The following MEGF11 variants were observed in gnomAD, a reference collection of about 807,000 sequenced individuals.
MEGF11 encodes the protein multiple EGF like domains 11, also known as multiple epidermal growth factor-like domains protein 11.
In MEGF11, 126 loss-of-function variants were observed where a neutral mutation model predicts 146.6. The observed-to-expected ratio is 0.86, with a 90% CI of 0.74 to 1.00. MEGF11 has a LOEUF of 1.00. Among genes scored for constraint, MEGF11 ranks in the 50% least tolerant of loss-of-function variants. The pLI is 0.00. For synonymous variants in MEGF11, 532 were observed against 583.4 expected, an observed-to-expected ratio of 0.91 and a Z score of 1.27; for missense variants, 1,509 against 1,521.2, an observed-to-expected ratio of 0.99 and a Z score of 0.13.
At chr15:66,016,617 A>G (rs2082896896) in intron 5 of MEGF11, among the ~76,000 whole-genome samples, 1 of 152,128 alleles carries the variant, frequency 6.6e-6, no homozygotes, top group Non-Finnish European at 1.5e-5. Context: ...GCTTCCAGCT[A>G]CAAATCCAAG....
chr15:65,988,609 A>G (rs1001701409), intron 5 of MEGF11, among the ~76,000 whole-genome samples: 1 of 152,236 alleles, frequency 6.6e-6, no homozygotes, highest in Non-Finnish European at 1.5e-5. Context: ...CCTGAAGACA[A>G]TTCATTAAAG....
chr15:65,962,198 C>G (rs1339505757), intron 9 of MEGF11, among the ~76,000 whole-genome samples: 1 of 152,094 alleles, frequency 6.6e-6, no homozygotes, highest in African/African-American at 2.4e-5. Context: ...CCAAAAAAGG[C>G]TCATGGGAAG....
intron 1 of MEGF11, among the ~76,000 whole-genome samples, chr15:66,209,830 GT>G (rs1387991347): frequency 1.9e-3 from 275 of 145,320 alleles, no homozygotes; most frequent in Middle Eastern, 6.9e-3. Context: ...TGACAGAAAT[GT>G]TTTTTTTTTT....
chr15:65,937,045 G>GT (rs2079814020), intron 10 of MEGF11, among the ~76,000 whole-genome samples: 2 of 152,178 alleles, frequency 1.3e-5, no homozygotes, highest in Non-Finnish European at 2.9e-5. Flanking sequence ...TATCCACTCT[G>GT]GGAGACAAGA....
intron 5 of MEGF11, among the ~76,000 whole-genome samples, chr15:66,049,324 C>T (rs2140339272): frequency 6.6e-6 from 1 of 152,234 alleles, no homozygotes; most frequent in Non-Finnish European, 1.5e-5. Context: ...GCTCCTGGGT[C>T]AGGAAAAGGG....
chr15:66,063,475 G>A (rs1445244738), intron 5 of MEGF11, among the ~76,000 whole-genome samples: 6 of 152,322 alleles, frequency 3.9e-5, no homozygotes, highest in African/African-American at 1.2e-4. Flanking sequence ...GGCCTGGAAA[G>A]CCTGGGGAAG....
intron 8 of MEGF11, among the ~76,000 whole-genome samples, chr15:65,968,512 A>G (rs1006119910): frequency 2.6e-5 from 4 of 152,208 alleles, no homozygotes; most frequent in African/African-American, 9.7e-5. Flanking sequence ...ACAGCCCCAG[A>G]AAAACAATCT....
At chr15:66,081,523 C>T (rs75789001) in intron 5 of MEGF11, among the ~76,000 whole-genome samples, 27,822 of 151,994 alleles carry the variant, frequency 0.18, 2,728 homozygotes, top group East Asian at 0.39. Context: ...GGATTACAGG[C>T]GCCCTCCACC....
chr15:66,105,880 C>A (rs2087049051), intron 4 of MEGF11, among the ~76,000 whole-genome samples: 1 of 152,216 alleles, frequency 6.6e-6, no homozygotes, highest in Non-Finnish European at 1.5e-5. Context: ...CCTGGCCACA[C>A]CAAAGGGCTA....
At position 65,918,109 on chromosome 15, in the gene MEGF11, C is replaced by T. The variant is rs765525211; in HGVS notation, c.1958-15G>A. 6.2e-7 allele frequency: 1 copy of T among 1,613,158 alleles called. No homozygotes were observed. The highest frequency in any genetic ancestry group is 8.5e-7 in the Non-Finnish European group (1 of 1,179,790). On this transcript the variant is annotated splice_polypyrimidine_tract_variant and intron_variant, in intron 15 of 25. Transcript: ENST00000395614. ...TCCAGCACACACTGTGGGCACAGGG[C>T]AGCCTGGCACCCATCCTCCCACCTG...
chr15:66,113,276 G>A (rs1345778775), intron 4 of MEGF11, among the ~76,000 whole-genome samples: 1 of 152,132 alleles, frequency 6.6e-6, no homozygotes, highest in African/African-American at 2.4e-5. Context: ...AGCCAGCCGG[G>A]CCCATCAGCT....
intron 1 of MEGF11, among the ~76,000 whole-genome samples, chr15:66,153,185 T>C (rs1273887182): frequency 6.6e-5 from 10 of 152,228 alleles, no homozygotes; most frequent in Non-Finnish European, 1.5e-5. Context: ...CAGAGCTCAC[T>C]TGGAGCCAAA....
chr15:66,241,107 T>C (rs1355777317), intron 1 of MEGF11, among the ~76,000 whole-genome samples: 2 of 152,142 alleles, frequency 1.3e-5, no homozygotes, highest in South Asian at 2.1e-4. Flanking sequence ...TTCCCTGCCC[T>C]CTTGGGATCT....
At chr15:66,225,189 C>A (rs1228362884) in intron 1 of MEGF11, among the ~76,000 whole-genome samples, 1 of 152,230 alleles carries the variant, frequency 6.6e-6, no homozygotes, top group African/African-American at 2.4e-5. Flanking sequence ...TGGTCACGGC[C>A]CAGCACCTCT....
intron 5 of MEGF11, among the ~76,000 whole-genome samples, chr15:66,034,055 G>T (rs576047151): frequency 6.6e-6 from 1 of 152,328 alleles, no homozygotes; most frequent in South Asian, 2.1e-4. Context: ...CTCCCAAAGT[G>T]CTGGGATTAC....
At chr15:66,231,932 C>A (rs190836574) in intron 1 of MEGF11, among the ~76,000 whole-genome samples, 1 of 152,332 alleles carries the variant, frequency 6.6e-6, no homozygotes, top group Admixed American at 6.5e-5. Context: ...TGTTCACCCA[C>A]TTCCAATCCC....
intron 1 of MEGF11, among the ~76,000 whole-genome samples, chr15:66,192,720 G>T (rs2090915023): frequency 6.6e-6 from 1 of 152,084 alleles, no homozygotes; most frequent in Non-Finnish European, 1.5e-5. Context: ...TCCCATAAAG[G>T]CAGGAAGAGC....
In MEGF11 at chr15:66,026,840, ACTGTGGCCTCACATCTGCAT is replaced by A. The variant is rs367769219; in HGVS notation, c.395-44372_395-44353del. Among the ~76,000 whole-genome samples the A allele has an allele frequency of 4.9e-3, 741 of 152,286 alleles. 9 individuals carry two copies. Among genetic ancestry groups the A allele is most frequent in the African/African-American group, 0.017 (700 of 41,570 alleles). On this transcript the variant is annotated intron_variant, in intron 5 of 25. Transcript: ENST00000395614. ...GTGGATTTAGGCAAGGTACTTATCA[ACTGTGGCCTCACATCTGCAT>A]CTGTAAAACAGGTATGCTCTTACTG...
chr15:66,023,633 G>C (rs1424445840), intron 5 of MEGF11, among the ~76,000 whole-genome samples: 1 of 152,190 alleles, frequency 6.6e-6, no homozygotes, highest in African/African-American at 2.4e-5. Flanking sequence ...GTCTCTGCTC[G>C]TTGCAGAGTC....
Sources: gnomAD v4.1 joint callset for allele counts (sites outside exome capture counted in the v4.1 genomes callset) on GRCh38, gnomAD v4.1.1 for gene constraint, MANE v1.5 for transcripts, NCBI Gene and HGNC (gene_info 2026-07-23, HGNC 2026-07-21) for gene names.